ARHGAP24: variants seen among roughly 807,000 people sequenced by gnomAD.
ARHGAP24 encodes rho GTPase-activating protein 24.
ARHGAP24 carries 50 observed loss-of-function variants against 76.4 expected under a neutral mutation model. That is an observed-to-expected ratio of 0.65 (90% CI 0.52 to 0.83). The LOEUF (loss-of-function observed/expected upper bound fraction) is 0.83. Among genes scored for constraint, ARHGAP24 ranks in the 40% least tolerant of loss-of-function variants. The pLI, the probability that ARHGAP24 is intolerant of heterozygous loss-of-function variation, is 0.00. For synonymous variants in ARHGAP24, 345 were observed against 323.3 expected (o/e 1.07, Z -0.72); for missense variants, 930 against 914.2 (o/e 1.02, Z -0.22).
chr4:85,865,607 T>C (rs1732154959), intron 3 of ARHGAP24, among the ~76,000 whole-genome samples: 1 of 149,156 alleles, frequency 6.7e-6, no homozygotes, highest in Non-Finnish European at 1.5e-5. Context: ...AAATCATGCA[T>C]TATAATTAGG....
chr4:85,724,000 G>T (rs1173270816), intron 3 of ARHGAP24, among the ~76,000 whole-genome samples: 1 of 151,368 alleles, frequency 6.6e-6, no homozygotes, highest in Non-Finnish European at 1.5e-5. Context: ...TTTTTCAATG[G>T]TGTAATTGTT....
intron 3 of ARHGAP24, among the ~76,000 whole-genome samples, chr4:85,803,875 C>T (rs910934349): frequency 4.0e-5 from 6 of 151,766 alleles, no homozygotes; most frequent in African/African-American, 1.5e-4. Flanking sequence ...TCAAACACTT[C>T]GTTTCCAGTG....
At chr4:85,791,407 C>T (rs1293107375) in intron 3 of ARHGAP24, among the ~76,000 whole-genome samples, 1 of 152,078 alleles carries the variant, frequency 6.6e-6, no homozygotes, top group Non-Finnish European at 1.5e-5. Context: ...AAAGTGACAC[C>T]AGGAAAGAAA....
At chr4:85,558,839 C>T (rs538356130) in intron 1 of ARHGAP24, among the ~76,000 whole-genome samples, 17 of 152,262 alleles carry the variant, frequency 1.1e-4, no homozygotes, top group African/African-American at 3.6e-4. Flanking sequence ...AAATGACTAT[C>T]TCCATCAAAG....
chr4:85,597,732 C>G (rs886597547), intron 2 of ARHGAP24, among the ~76,000 whole-genome samples: 3 of 151,764 alleles, frequency 2.0e-5, no homozygotes, highest in Admixed American at 2.0e-4. Flanking sequence ...TTTATTATAG[C>G]CATTATTGTA....
At chr4:85,784,766 G>C (rs1727729325) in intron 3 of ARHGAP24, among the ~76,000 whole-genome samples, 1 of 151,638 alleles carries the variant, frequency 6.6e-6, no homozygotes, top group Non-Finnish European at 1.5e-5. Flanking sequence ...CATTTCCTTG[G>C]CATTTTTCCT....
intron 4 of ARHGAP24, among the ~76,000 whole-genome samples, chr4:85,930,073 G>A (rs531764730): frequency 7.2e-5 from 11 of 152,272 alleles, no homozygotes; most frequent in African/African-American, 2.6e-4. Flanking sequence ...TGTGACCGGC[G>A]GGCACTGGAA....
rs1737502982 is a variant in ARHGAP24, at chr4:85,949,824, T to A, written c.599+7551T>A. 2.6e-5 allele frequency among the ~76,000 whole-genome samples: 4 copies of A among 152,204 alleles called. No homozygotes were observed. The South Asian group carries it at 8.3e-4, about 31-fold the overall frequency. ...TATCAACAGTCACGTCTGTGAACAATCTACCTTATTCACTCATTCAACAAA... is the reference window on the plus strand; with the variant it reads ...TATCAACAGTCACGTCTGTGAACAAACTACCTTATTCACTCATTCAACAAA... On this transcript the variant is annotated intron_variant, in intron 5 of 9. Transcript: ENST00000395184.
intron 9 of ARHGAP24, among the ~76,000 whole-genome samples, chr4:85,998,695 C>T (rs1740827787): frequency 6.6e-6 from 1 of 152,088 alleles, no homozygotes; most frequent in African/African-American, 2.4e-5. Flanking sequence ...TGTTTTGTAG[C>T]TTACTAATAC....
At chr4:85,700,164 G>A (rs1366861845) in intron 2 of ARHGAP24, among the ~76,000 whole-genome samples, 1 of 152,114 alleles carries the variant, frequency 6.6e-6, no homozygotes, top group Non-Finnish European at 1.5e-5. Flanking sequence ...GGAGGCAGAG[G>A]TGGGTGAATC....
intron 2 of ARHGAP24, among the ~76,000 whole-genome samples, chr4:85,708,344 T>C (rs1724397882): frequency 6.6e-6 from 1 of 152,186 alleles, no homozygotes; most frequent in Admixed American, 6.5e-5. Context: ...TACTAATCCC[T>C]GACCATGTAT....
intron 3 of ARHGAP24, among the ~76,000 whole-genome samples, chr4:85,731,075 A>G (rs978612845): frequency 6.6e-6 from 1 of 151,822 alleles, no homozygotes; most frequent in Non-Finnish European, 1.5e-5. Flanking sequence ...ACATATATGT[A>G]TATGTGTATG....
Position 85,972,759 on chromosome 4 carries a change from G to T in ARHGAP24, c.732+591G>T, listed in dbSNP as rs142425179. ...CTCTTAATTCTCCTTTTTCCCCAGC[G>T]CTTGGCAACTACTAATCTATTTTCT... is the stretch of plus-strand genomic sequence containing the variant. On this transcript the variant is annotated intron_variant, in intron 6 of 9. Transcript: ENST00000395184. Among the ~76,000 whole-genome samples the T allele has an allele frequency of 2.4e-3, 365 of 151,938 alleles. 2 individuals carry two copies. The highest frequency in any genetic ancestry group is 2.5e-3 in the East Asian group (13 of 5,156).
At chr4:85,860,182 A>T (rs1401990048) in intron 3 of ARHGAP24, among the ~76,000 whole-genome samples, 1 of 152,102 alleles carries the variant, frequency 6.6e-6, no homozygotes, top group Non-Finnish European at 1.5e-5. Flanking sequence ...TTTAGAATGA[A>T]TTAGGCATGG....
intron 1 of ARHGAP24, among the ~76,000 whole-genome samples, chr4:85,540,166 A>C (rs1725621187): frequency 6.6e-6 from 1 of 152,032 alleles, no homozygotes. Context: ...TCTCCATCAA[A>C]ATAATTTAGT....
chr4:85,626,056 T>C (rs552393188), intron 2 of ARHGAP24, among the ~76,000 whole-genome samples: 127 of 152,344 alleles, frequency 8.3e-4, no homozygotes, highest in Non-Finnish European at 1.7e-3. Flanking sequence ...AATTGGAACA[T>C]TTAGTCCATT....
intron 3 of ARHGAP24, among the ~76,000 whole-genome samples, chr4:85,883,174 A>G (rs1733357757): frequency 6.6e-6 from 1 of 152,216 alleles, no homozygotes; most frequent in African/African-American, 2.4e-5. Context: ...AGAAGTTCGC[A>G]TATAATGAAG....
At chr4:85,728,945 A>G (rs535972179) in intron 3 of ARHGAP24, among the ~76,000 whole-genome samples, 4 of 152,344 alleles carry the variant, frequency 2.6e-5, no homozygotes, top group African/African-American at 4.8e-5. Flanking sequence ...AAATGTAGGA[A>G]TGTTTTAATT....
chr4:85,620,487 C>T (rs574628339), intron 2 of ARHGAP24, among the ~76,000 whole-genome samples: 8 of 151,732 alleles, frequency 5.3e-5, no homozygotes, highest in Middle Eastern at 3.4e-3. Context: ...TTTGTGGTTT[C>T]GGTTGTAATG....
Sources: gnomAD v4.1 joint callset for allele counts (sites outside exome capture counted in the v4.1 genomes callset) on GRCh38, gnomAD v4.1.1 for gene constraint, MANE v1.5 for transcripts, NCBI Gene and HGNC (gene_info 2026-07-23, HGNC 2026-07-21) for gene names.